Variants in COL22A1 observed in about 807,000 individuals in gnomAD.
COL22A1 encodes collagen alpha-1(XXII) chain.
In COL22A1, 221 loss-of-function variants were observed where a neutral mutation model predicts 248.9. The ratio of observed to expected loss-of-function variants is 0.89; its 90% confidence interval spans 0.80 to 0.99. COL22A1 has a LOEUF of 0.99. Ranked by LOEUF, COL22A1 falls within the 50% of genes least tolerant of loss-of-function variation. The pLI, the probability that COL22A1 is intolerant of heterozygous loss-of-function variation, is 0.00. For synonymous variants in COL22A1, 891 were observed against 793.4 expected (o/e 1.12, Z -2.07); for missense variants, 2,240 against 2,179.0 (o/e 1.03, Z -0.56).
chr8:138,720,635 G>T, intron 27 of COL22A1, 104 bp downstream of exon 27: 1 of 944,780 alleles, frequency 1.1e-6, no homozygotes, highest in Non-Finnish European at 1.7e-6. Flanking sequence ...CCAGGTCCCA[G>T]CTGATATAGA....
At chr8:138,755,288 C>T (rs2131361884) in intron 20 of COL22A1, 78 bp from the exon 21 acceptor site, 2 of 1,453,378 alleles carry the variant, frequency 1.4e-6, no homozygotes, top group Non-Finnish European at 1.9e-6. Flanking sequence ...CCATGGCCCT[C>T]TCCTGACTCA....
chr8:138,622,110 C>T (rs1178637367), intron 52 of COL22A1, among the ~76,000 whole-genome samples: 4 of 152,206 alleles, frequency 2.6e-5, no homozygotes, highest in Non-Finnish European at 5.9e-5. Context: ...ATAAACCTCA[C>T]TGTAGAAACT....
At chr8:138,860,610 C>G (rs1297918591) in intron 3 of COL22A1, among the ~76,000 whole-genome samples, 2 of 152,176 alleles carry the variant, frequency 1.3e-5, no homozygotes, top group Non-Finnish European at 1.5e-5. Context: ...AAGTTCAAGA[C>G]CAGCCTGGGC....
intron 1 of COL22A1, among the ~76,000 whole-genome samples, chr8:138,906,369 C>CAAAAAA (rs9324499): frequency 6.9e-6 from 1 of 143,920 alleles, no homozygotes; most frequent in Non-Finnish European, 1.5e-5. Context: ...GACTCCGTCT[C>CAAAAAA]AAAAAAAAAA....
At chr8:138,653,044 G>A (rs1261377046) in intron 45 of COL22A1, among the ~76,000 whole-genome samples, 2 of 151,994 alleles carry the variant, frequency 1.3e-5, no homozygotes, top group Non-Finnish European at 2.9e-5. Flanking sequence ...ATCGCACCCC[G>A]CCGGTCTGAA....
intron 22 of COL22A1, among the ~76,000 whole-genome samples, chr8:138,749,535 G>A (rs568465414): frequency 1.3e-5 from 2 of 152,294 alleles, no homozygotes; most frequent in Middle Eastern, 6.8e-3. Flanking sequence ...GCATGTGCGG[G>A]AGCATGTTGA....
chr8:138,724,593 G>A, intron 25 of COL22A1, 22 bp downstream of exon 25: 2 of 1,612,462 alleles, frequency 1.2e-6, no homozygotes, highest in Non-Finnish European at 1.7e-6. Context: ...AGGGGAGCAG[G>A]AAGATGTTTC....
intron 3 of COL22A1, among the ~76,000 whole-genome samples, chr8:138,872,724 G>C (rs993346454): frequency 3.9e-5 from 6 of 152,222 alleles, no homozygotes; most frequent in African/African-American, 1.2e-4. Context: ...AGCAGGAGTT[G>C]ATGTCGTGAC....
rs1586594437 is a variant in COL22A1, at chr8:138,730,779, G to A, written c.2140-5339C>T. Among the ~76,000 whole-genome samples, 4 of 152,076 alleles carry A rather than the reference G, an allele frequency of 2.6e-5. No individual in the cohort carries two copies. The South Asian group carries it at 8.3e-4, about 32-fold the overall frequency. On this transcript the variant is annotated intron_variant, in intron 23 of 64. Transcript: ENST00000303045. Reference sequence around the variant, plus strand: ...AAATCAGGAGCATCTCGAAAAGTGGGGTGAGCTTGCTGTGGAAGGGCTTAG... The same window carrying A: ...AAATCAGGAGCATCTCGAAAAGTGGAGTGAGCTTGCTGTGGAAGGGCTTAG...
intron 12 of COL22A1, among the ~76,000 whole-genome samples, chr8:138,782,147 G>A (rs1815069292): frequency 6.6e-6 from 1 of 152,222 alleles, no homozygotes; most frequent in African/African-American, 2.4e-5. Context: ...TGAAAAGAAA[G>A]ACTGACAGAC....
chr8:138,668,471 C>T (rs1163023732), intron 41 of COL22A1, among the ~76,000 whole-genome samples: 2 of 152,148 alleles, frequency 1.3e-5, no homozygotes, highest in African/African-American at 4.8e-5. Context: ...CACAGCCATG[C>T]TATTGGTGTT....
chr8:138,890,637 G>C (rs1174442890), intron 1 of COL22A1, among the ~76,000 whole-genome samples: 1 of 151,978 alleles, frequency 6.6e-6, no homozygotes, highest in African/African-American at 2.4e-5. Flanking sequence ...CGTATATGTG[G>C]AAAAACCCAA....
intron 5 of COL22A1, among the ~76,000 whole-genome samples, chr8:138,829,388 T>G (rs891808512): frequency 6.9e-6 from 1 of 145,920 alleles, no homozygotes. Context: ...CTTTTCTTTA[T>G]TTCCTTCCTT....
chr8:138,706,483 T>C (rs141031150), intron 30 of COL22A1, among the ~76,000 whole-genome samples: 1 of 152,140 alleles, frequency 6.6e-6, no homozygotes, highest in African/African-American at 2.4e-5. Flanking sequence ...ATTAAGAAAC[T>C]CACTCAAAAC....
intron 13 of COL22A1, among the ~76,000 whole-genome samples, chr8:138,780,504 G>C (rs778957780): frequency 1.3e-5 from 2 of 152,194 alleles, no homozygotes; most frequent in African/African-American, 2.4e-5. Context: ...AGATGAAGAG[G>C]TGGGGTTTGG....
At chr8:138,744,414 A>G (rs376057810) in intron 22 of COL22A1, among the ~76,000 whole-genome samples, 2 of 152,094 alleles carry the variant, frequency 1.3e-5, no homozygotes, top group African/African-American at 4.8e-5. Flanking sequence ...TATTCAAAGC[A>G]TGCACAGCAA....
intron 50 of COL22A1, among the ~76,000 whole-genome samples, chr8:138,628,970 A>C (rs1464220787): frequency 1.3e-5 from 2 of 151,882 alleles, no homozygotes; most frequent in Non-Finnish European, 2.9e-5. Context: ...TTTCACAGCC[A>C]GGCTGATCTT....
chr8:138,770,433 G>A (rs77736004), intron 16 of COL22A1, among the ~76,000 whole-genome samples: 4,249 of 152,318 alleles, frequency 0.028, 81 homozygotes, highest in South Asian at 0.049. Context: ...TGCCTGCAGA[G>A]ACATGATCTG....
chr8:138,737,096 C>G (rs1831174577), intron 23 of COL22A1, among the ~76,000 whole-genome samples: 1 of 152,132 alleles, frequency 6.6e-6, no homozygotes, highest in Non-Finnish European at 1.5e-5. Flanking sequence ...CGCTGCGGCC[C>G]ACCAGGTCCC....
Sources: gnomAD v4.1 joint callset for allele counts (sites outside exome capture counted in the v4.1 genomes callset) on GRCh38, gnomAD v4.1.1 for gene constraint, MANE v1.5 for transcripts, NCBI Gene and HGNC (gene_info 2026-07-23, HGNC 2026-07-21) for gene names.